The following NRG1 variants were observed in gnomAD, a reference collection of about 807,000 sequenced individuals.
The protein encoded by NRG1 is neuregulin 1, also known as pro-neuregulin-1, membrane-bound isoform.
In NRG1, 18 loss-of-function variants were observed where a neutral mutation model predicts 63.8. That is an observed-to-expected ratio of 0.28 (90% CI 0.19 to 0.42). NRG1 has a LOEUF of 0.42. Ranked by LOEUF, NRG1 falls within the 10% of genes least tolerant of loss-of-function variation. The pLI is 1.00. For missense variants in NRG1, 762 were observed against 814.7 expected, an observed-to-expected ratio of 0.94 and a Z score of 0.79; for synonymous variants, 302 against 301.3, an observed-to-expected ratio of 1.00 and a Z score of -0.02.
intron 1 of NRG1, among the ~76,000 whole-genome samples, chr8:31,895,092 A>G (rs1831471461): frequency 6.6e-6 from 1 of 152,242 alleles, no homozygotes. Flanking sequence ...GGCATCATGA[A>G]CTGCTGCAAC....
chr8:31,697,829 A>C (rs1318472718), intron 1 of NRG1, among the ~76,000 whole-genome samples: 1 of 152,016 alleles, frequency 6.6e-6, no homozygotes, highest in African/African-American at 2.4e-5. Flanking sequence ...GAGAAATACA[A>C]GACTTGTACA....
chr8:32,611,931 T>A (rs1846432304), intron 3 of NRG1, among the ~76,000 whole-genome samples: 1 of 152,016 alleles, frequency 6.6e-6, no homozygotes, highest in Non-Finnish European at 1.5e-5. Flanking sequence ...ATTAGAAAAA[T>A]TCCTTTCTAG....
intron 1 of NRG1, among the ~76,000 whole-genome samples, chr8:32,516,523 G>A (rs1347976956): frequency 6.6e-6 from 1 of 152,062 alleles, no homozygotes; most frequent in Non-Finnish European, 1.5e-5. Context: ...TGGGAAATAC[G>A]GCCATTTTAA....
At chr8:32,354,097 A>G (rs1806017219) in intron 1 of NRG1, among the ~76,000 whole-genome samples, 1 of 152,170 alleles carries the variant, frequency 6.6e-6, no homozygotes, top group Non-Finnish European at 1.5e-5. Flanking sequence ...GGCTAGGTGT[A>G]GTGGCTCATG....
At chr8:32,054,745 A>T (rs1253137129) in intron 1 of NRG1, among the ~76,000 whole-genome samples, 2 of 152,022 alleles carry the variant, frequency 1.3e-5, no homozygotes, top group Non-Finnish European at 2.9e-5. Flanking sequence ...AATTAGTGTC[A>T]CCAACCCAGA....
intron 1 of NRG1, among the ~76,000 whole-genome samples, chr8:32,124,399 C>A (rs1361896251): frequency 6.6e-6 from 1 of 151,738 alleles, no homozygotes; most frequent in East Asian, 2.0e-4. Context: ...TCACTGAGGA[C>A]AAAGAGGGAT....
chr8:31,787,474 G>C (rs541047173), intron 1 of NRG1, among the ~76,000 whole-genome samples: 1 of 152,214 alleles, frequency 6.6e-6, no homozygotes, highest in Non-Finnish European at 1.5e-5. Flanking sequence ...TTGGATTTCT[G>C]TTGTCCTTCA....
chr8:31,688,051 C>T (rs1809086784), intron 1 of NRG1, among the ~76,000 whole-genome samples: 1 of 152,226 alleles, frequency 6.6e-6, no homozygotes, highest in African/African-American at 2.4e-5. Flanking sequence ...TCATTGTCCC[C>T]TTAACCTTCA....
chr8:32,179,083 G>A (rs1419354904), intron 1 of NRG1, among the ~76,000 whole-genome samples: 1 of 150,762 alleles, frequency 6.6e-6, no homozygotes, highest in Non-Finnish European at 1.5e-5. Context: ...AAGCAAGGGT[G>A]TAGGATCAGG....
intron 1 of NRG1, among the ~76,000 whole-genome samples, chr8:32,047,610 A>G (rs754167616): frequency 4.6e-5 from 7 of 151,952 alleles, no homozygotes; most frequent in Non-Finnish European, 1.0e-4. Context: ...TGTTCTCTAG[A>G]TCTCTTTAAG....
intron 1 of NRG1, among the ~76,000 whole-genome samples, chr8:31,666,066 C>T (rs557844179): frequency 8.7e-4 from 132 of 152,254 alleles, no homozygotes; most frequent in Middle Eastern, 3.4e-3. Flanking sequence ...AAATAAAACA[C>T]CATTGATTGA....
chr8:31,947,944 CAAAA>C (rs55953491), intron 1 of NRG1, among the ~76,000 whole-genome samples: 9 of 32,970 alleles, frequency 2.7e-4, no homozygotes, highest in African/African-American at 7.8e-4. Context: ...GACTCCATCT[CAAAA>C]AAAAAAAAAA....
chr8:32,072,113 A>C (rs561580886), intron 1 of NRG1, among the ~76,000 whole-genome samples: 1 of 152,118 alleles, frequency 6.6e-6, no homozygotes. Flanking sequence ...TATACAGAAT[A>C]TGACTCTCGC....
intron 5 of NRG1, among the ~76,000 whole-genome samples, chr8:32,707,591 A>C (rs1485508667): frequency 6.6e-6 from 1 of 152,096 alleles, no homozygotes; most frequent in Non-Finnish European, 1.5e-5. Context: ...TCAATGTTAC[A>C]ATAAGTCAAC....
chr8:32,450,230 A>G (rs775622116), intron 1 of NRG1, among the ~76,000 whole-genome samples: 3 of 152,130 alleles, frequency 2.0e-5, no homozygotes, highest in Non-Finnish European at 2.9e-5. Flanking sequence ...CAACCCTGTG[A>G]GTGCAGGTTG....
chr8:31,994,639 G>T (rs1410077195), intron 1 of NRG1, among the ~76,000 whole-genome samples: 2 of 97,112 alleles, frequency 2.1e-5, no homozygotes, highest in African/African-American at 8.3e-5. Context: ...GGGTGACAGA[G>T]CAATACTCTG....
At chr8:31,867,299 A>C (rs1012766089) in intron 1 of NRG1, among the ~76,000 whole-genome samples, 2 of 152,200 alleles carry the variant, frequency 1.3e-5, no homozygotes, top group African/African-American at 2.4e-5. Flanking sequence ...GAAATGTGTG[A>C]ACAATGCTGT....
upstream of NRG1, among the ~76,000 whole-genome samples, chr8:32,545,504 C>T (rs1415834144): frequency 6.6e-6 from 1 of 151,194 alleles, no homozygotes; most frequent in Non-Finnish European, 1.5e-5. Context: ...AAATATTCTT[C>T]CTCTTTTCTC....
chr8:31,729,310 A>C lies in NRG1; in HGVS notation c.37+89879A>C, dbSNP rs117815041. Among the ~76,000 whole-genome samples the C allele has an allele frequency of 3.9e-3, 587 of 152,008 alleles. 1 individual carries two copies. Among genetic ancestry groups the C allele is most frequent in the South Asian group, 0.019 (91 of 4,820 alleles). On this transcript the variant is annotated intron_variant, in intron 1 of 10. Coordinates refer to the NRG1 transcript ENST00000519301. ...AAAATTAAAATAGATTCTGCTTTCT[A>C]CCTTGGCAAGTAACATGTATTATGC...
Sources: gnomAD v4.1 joint callset for allele counts (sites outside exome capture counted in the v4.1 genomes callset) on GRCh38, gnomAD v4.1.1 for gene constraint, MANE v1.5 for transcripts, NCBI Gene and HGNC (gene_info 2026-07-23, HGNC 2026-07-21) for gene names.